Variants in RAB10 observed in about 807,000 individuals in gnomAD.
RAB10 encodes ras-related protein Rab-10.
A neutral mutation model predicts 25.7 loss-of-function variants in RAB10; 5 were observed. The observed-to-expected ratio is 0.19, with a 90% CI of 0.10 to 0.41. The LOEUF (loss-of-function observed/expected upper bound fraction) is 0.41. Among genes scored for constraint, RAB10 ranks in the 10% least tolerant of loss-of-function variants. The probability of loss-of-function intolerance (pLI) is 1.00; values close to 1 mark genes in which losing one functional copy is unlikely to be tolerated. For synonymous variants in RAB10, 89 were observed against 86.4 expected (o/e 1.03, Z -0.16); for missense variants, 103 against 245.8 (o/e 0.42, Z 3.89).
rs896809757 is a variant in RAB10 at position 26,034,139 on chromosome 2, C to T, written c.-470C>T. On this transcript the variant is annotated 5_prime_UTR_variant, in exon 1 of 6. Coordinates refer to ENST00000264710, the MANE Select transcript of RAB10 (RefSeq NM_016131.5). Reference sequence around the variant, plus strand: ...GGGCACGGGGAAAAGGTGGCTCTGGCCGGGGTGGCTCGGTTTCCTGGGGCT... The same window carrying T: ...GGGCACGGGGAAAAGGTGGCTCTGGTCGGGGTGGCTCGGTTTCCTGGGGCT... 5 of 406,746 alleles carry T rather than the reference C, an allele frequency of 1.2e-5. No homozygotes were observed. Among genetic ancestry groups the T allele is most frequent in the Admixed American group, 4.2e-5 (1 of 24,014 alleles). 25.2% of individuals were successfully genotyped at this position (406,746 alleles called of 1,614,324 possible). A position where few individuals can be genotyped will look rare whatever the true frequency, so the allele number is the denominator to read the frequency against.
In RAB10 at chr2:26,127,220, G is replaced by A. The variant is rs752026024; in HGVS notation, c.404G>A (p.Gly135Glu). 2.5e-6 allele frequency: 4 copies of A among 1,595,362 alleles called. No homozygotes were observed. Among genetic ancestry groups the A allele is most frequent in the Non-Finnish European group, 3.4e-6 (4 of 1,171,334 alleles). ...GACGACAAAAGAGTTGTACCTAAAG[G>A]AAAAGGAGAACAGGTAAAAATCTGA... ...DMDDKRVVPK[G>E]KGEQIAREHG... The change falls in exon 4 of 6, where the codon GGA (glycine) becomes GAA (glutamate). Residue 135 changes from glycine to glutamate, a missense_variant. Gly to Glu is a moderately conservative substitution (Grantham distance 98). Transcript: ENST00000264710.
chr2:26,038,776 G>A (rs547493319), intron 1 of RAB10, among the ~76,000 whole-genome samples: 1 of 151,410 alleles, frequency 6.6e-6, no homozygotes, highest in Non-Finnish European at 1.5e-5. Flanking sequence ...CAAAAAATTA[G>A]CTGTCCGTGG....
At chr2:26,076,672 G>A (rs1432402463) in intron 1 of RAB10, among the ~76,000 whole-genome samples, 4 of 152,092 alleles carry the variant, frequency 2.6e-5, no homozygotes, top group Admixed American at 2.0e-4. Context: ...GGCCAGGCAC[G>A]GTGGCTCACG....
intron 1 of RAB10, among the ~76,000 whole-genome samples, chr2:26,037,210 C>G (rs1665781080): frequency 6.6e-6 from 1 of 152,164 alleles, no homozygotes; most frequent in African/African-American, 2.4e-5. Context: ...ATGGTATAAT[C>G]TTTTTGTAGC....
intron 1 of RAB10, among the ~76,000 whole-genome samples, chr2:26,059,111 T>C (rs939287675): frequency 1.3e-5 from 2 of 152,212 alleles, no homozygotes. Context: ...TACAGTTCCT[T>C]GTATATAGTA....
intron 3 of RAB10, among the ~76,000 whole-genome samples, chr2:26,120,272 G>T (rs944106543): frequency 1.3e-5 from 2 of 152,122 alleles, no homozygotes; most frequent in Non-Finnish European, 2.9e-5. Context: ...TTAGCAGCTG[G>T]GAGCTTTTAA....
At chr2:26,077,208 A>G (rs1413549818) in intron 1 of RAB10, among the ~76,000 whole-genome samples, 1 of 152,172 alleles carries the variant, frequency 6.6e-6, no homozygotes, top group East Asian at 1.9e-4. Flanking sequence ...TGAAATGTAA[A>G]TTGTTTATTT....
chr2:26,105,291 GC>G (rs1667444628), intron 2 of RAB10, among the ~76,000 whole-genome samples: 2 of 152,186 alleles, frequency 1.3e-5, no homozygotes, highest in African/African-American at 4.8e-5. Flanking sequence ...TTAACAAGCA[GC>G]CAGTGACTTA....
intron 1 of RAB10, among the ~76,000 whole-genome samples, chr2:26,095,451 C>T (rs777363488): frequency 1.3e-5 from 2 of 152,048 alleles, no homozygotes; most frequent in South Asian, 4.1e-4. Context: ...ACTAAAAATA[C>T]AAAAAATTAG....
chr2:26,080,657 A>G (rs1666849958), intron 1 of RAB10, among the ~76,000 whole-genome samples: 2 of 152,160 alleles, frequency 1.3e-5, no homozygotes, highest in South Asian at 2.1e-4. Context: ...GTCACACACT[A>G]CCACACCTGG....
At chr2:26,100,123 C>A (rs1369851492) in intron 2 of RAB10, among the ~76,000 whole-genome samples, 1 of 152,152 alleles carries the variant, frequency 6.6e-6, no homozygotes. Context: ...ATAGCCACAG[C>A]TGCTTGTTTA....
intron 1 of RAB10, among the ~76,000 whole-genome samples, chr2:26,063,408 G>C (rs777083162): frequency 6.7e-6 from 1 of 148,436 alleles, no homozygotes; most frequent in Non-Finnish European, 1.5e-5. Flanking sequence ...TATTACATTT[G>C]CTCACTCACA....
chr2:26,103,058 T>C (rs2891490), intron 2 of RAB10, among the ~76,000 whole-genome samples: 116,273 of 152,086 alleles, frequency 0.76, 44,529 homozygotes, highest in East Asian at 0.87. Flanking sequence ...TATCCCTCCT[T>C]ATTGTTTATA....
At chr2:26,051,980 C>G (rs1666145843) in intron 1 of RAB10, among the ~76,000 whole-genome samples, 2 of 151,834 alleles carry the variant, frequency 1.3e-5, no homozygotes, top group South Asian at 4.1e-4. Context: ...TCACTTGAAC[C>G]CGGGAGGCGG....
chr2:26,042,309 G>T (rs185503973), intron 1 of RAB10, among the ~76,000 whole-genome samples: 2 of 152,232 alleles, frequency 1.3e-5, no homozygotes, highest in Admixed American at 1.3e-4. Flanking sequence ...AGTTTTGGAA[G>T]AGTAGGTTGG....
chr2:26,074,513 C>T lies in RAB10; in HGVS notation c.128-24149C>T, dbSNP rs528488489. On this transcript the variant is annotated intron_variant, in intron 1 of 5. Coordinates refer to ENST00000264710, the MANE Select transcript of RAB10 (RefSeq NM_016131.5). Reference sequence around the variant, plus strand: ...GGCTCACTGCAACCTCTGCCTTCTGCGTTCAAGCAGTTCTCCTGCCTCAGC... The same window carrying T: ...GGCTCACTGCAACCTCTGCCTTCTGTGTTCAAGCAGTTCTCCTGCCTCAGC... Among the ~76,000 whole-genome samples the T allele has an allele frequency of 4.3e-4, 65 of 152,200 alleles. 2 individuals carry two copies. In the South Asian group the frequency reaches 0.013, roughly 30 times the overall value.
intron 3 of RAB10, among the ~76,000 whole-genome samples, chr2:26,124,766 TC>T (rs1196192890): frequency 6.6e-6 from 1 of 152,136 alleles, no homozygotes; most frequent in African/African-American, 2.4e-5. Context: ...GATTTCTGTC[TC>T]CCCCTTTCCC....
intron 1 of RAB10, among the ~76,000 whole-genome samples, chr2:26,077,021 C>A (rs967148485): frequency 4.7e-5 from 7 of 150,524 alleles, no homozygotes; most frequent in African/African-American, 1.7e-4. Context: ...TGAAGGAATT[C>A]ATTAGGAACT....
At position 26,034,880 on chromosome 2, in the gene RAB10, A is replaced by G; in HGVS notation, c.127+145A>G. On this transcript the variant is annotated intron_variant, in intron 1 of 5. Transcript: ENST00000264710. ...CATCCAAGTTACTGTTTGAATCGGC[A>G]TCGAGCTTACTGGGGCGGGGTCTTC... 7.8e-6 allele frequency: 10 copies of G among 1,277,714 alleles called. No individual in the cohort carries two copies. The East Asian group carries it at 9.4e-5, about 12-fold the overall frequency. 79.1% of individuals were successfully genotyped at this position (1,277,714 alleles called of 1,614,324 possible). A position where few individuals can be genotyped will look rare whatever the true frequency, so the allele number is the denominator to read the frequency against.
Sources: allele counts gnomAD v4.1 joint callset (sites outside exome capture counted in the v4.1 genomes callset), GRCh38; gene constraint gnomAD v4.1.1; transcripts MANE v1.5; gene names NCBI Gene and HGNC (gene_info 2026-07-23, HGNC 2026-07-21).